The following USP37 variants were observed in gnomAD, a reference collection of about 807,000 sequenced individuals.
The protein encoded by USP37 is ubiquitin specific peptidase 37, also known as ubiquitin carboxyl-terminal hydrolase 37.
USP37 carries 27 observed loss-of-function variants against 124.0 expected under a neutral mutation model. The ratio of observed to expected loss-of-function variants is 0.22; its 90% confidence interval spans 0.16 to 0.30. The LOEUF (loss-of-function observed/expected upper bound fraction) is 0.30, where lower values mean the gene tolerates loss of function less well. Among genes scored for constraint, USP37 ranks in the 10% least tolerant of loss-of-function variants. The pLI is 1.00. For missense variants in USP37, 889 were observed against 1,140.4 expected (o/e 0.78, Z 3.17); for synonymous variants, 365 against 388.0 (o/e 0.94, Z 0.70).
intron 11 of USP37, among the ~76,000 whole-genome samples, chr2:218,501,406 T>G (rs1028364591): frequency 6.6e-6 from 1 of 152,070 alleles, no homozygotes; most frequent in South Asian, 2.1e-4. Flanking sequence ...CCATGGGTGA[T>G]GTCAATTTTG....
At chr2:218,468,281 T>G (rs1690481334) in intron 20 of USP37, among the ~76,000 whole-genome samples, 1 of 151,886 alleles carries the variant, frequency 6.6e-6, no homozygotes, top group Admixed American at 6.6e-5. Context: ...TGTGGCTCAT[T>G]GCAACCTCCA....
chr2:218,454,981 G>T lies in USP37; in HGVS notation c.2889C>A (p.Asn963Lys). The T allele has an allele frequency of 1.9e-6, 3 of 1,614,026 alleles. No individual in the cohort carries two copies. Among genetic ancestry groups the T allele is most frequent in the Non-Finnish European group, 2.5e-6 (3 of 1,180,030 alleles). Residue 963 changes from asparagine to lysine, a missense_variant, in exon 26 of 26, where the codon AAC (asparagine) becomes AAA (lysine). Physicochemically the swap from Asn to Lys is moderately conservative, Grantham distance 94 (BLOSUM62 0). Transcript: ENST00000258399. ...CCACTTCCGTGCTAAGTGACTGAGAGTTCTTTTCTGTTTCCAGCAGCTCAT... is the reference window on the plus strand; with the variant it reads ...CCACTTCCGTGCTAAGTGACTGAGATTTCTTTTCTGTTTCCAGCAGCTCAT... ...IFDELLETEK[N>K]SQSLSTEVGK...
chr2:218,498,217 A>G, intron 11 of USP37, 60 bp from the exon 12 acceptor site: 2 of 1,481,396 alleles, frequency 1.4e-6, no homozygotes, highest in Non-Finnish European at 8.9e-7. Context: ...TATGTTCAGT[A>G]TAGTAGGAGT....
intron 11 of USP37, among the ~76,000 whole-genome samples, chr2:218,500,079 G>GT (rs1308970923): frequency 6.7e-6 from 1 of 150,200 alleles, no homozygotes; most frequent in Non-Finnish European, 1.5e-5. Flanking sequence ...TGTTTTTTTC[G>GT]TTTTTTCTTT....
intron 10 of USP37, among the ~76,000 whole-genome samples, chr2:218,520,564 C>A (rs1690553418): frequency 6.6e-6 from 1 of 151,706 alleles, no homozygotes. Flanking sequence ...GTTGGTCAGG[C>A]TTGTCTCAAA....
At chr2:218,526,273 C>G (rs1001130735) in intron 10 of USP37, among the ~76,000 whole-genome samples, 2 of 151,936 alleles carry the variant, frequency 1.3e-5, no homozygotes, top group African/African-American at 4.8e-5. Flanking sequence ...GCTCTGTTGC[C>G]CAGGTTAGAG....
Position 218,450,802 on chromosome 2 carries a change from T to A in USP37, c.*4128A>T, listed in dbSNP as rs1689458084. On this transcript the variant is annotated 3_prime_UTR_variant, in exon 26 of 26. Transcript: ENST00000258399. Reference sequence around the variant, plus strand: ...GACATACCTATACTTTGAACCTCTGTACTTTTAAGAAAAGTCCAATGTTAC... The same window carrying A: ...GACATACCTATACTTTGAACCTCTGAACTTTTAAGAAAAGTCCAATGTTAC... 1 of 152,248 alleles carries A rather than the reference T, an allele frequency of 6.6e-6. No individual in the cohort carries two copies. The highest frequency in any genetic ancestry group is 1.5e-5 in the Non-Finnish European group (1 of 68,046). The allele number at this position is 152,248 out of a possible 1,614,324, so 9.4% of individuals were successfully genotyped here. A position where few individuals can be genotyped will look rare whatever the true frequency, so the allele number is the denominator to read the frequency against.
At chr2:218,517,028 A>G (rs1484602883) in intron 10 of USP37, among the ~76,000 whole-genome samples, 3 of 152,234 alleles carry the variant, frequency 2.0e-5, no homozygotes, top group Admixed American at 1.3e-4. Context: ...CAATCCAAGT[A>G]TACACATGAG....
chr2:218,480,107 C>A (rs1212295652), intron 17 of USP37, among the ~76,000 whole-genome samples: 1 of 151,038 alleles, frequency 6.6e-6, no homozygotes, highest in Non-Finnish European at 1.5e-5. Flanking sequence ...GATCGCACCA[C>A]TGCACTCCAG....
intron 1 of USP37, among the ~76,000 whole-genome samples, chr2:218,564,924 T>G (rs1693504629): frequency 6.6e-6 from 1 of 152,172 alleles, no homozygotes; most frequent in Non-Finnish European, 1.5e-5. Context: ...TTTAATATTT[T>G]CTTTCTTTTT....
At chr2:218,455,162 C>G (rs7601872) in intron 25 of USP37, 145 bp from the exon 26 acceptor site, 336,188 of 981,872 alleles carry the variant, frequency 0.34, 62,726 homozygotes, top group Non-Finnish European at 0.38. Context: ...AAAAGCAGCT[C>G]ACTCATTTGA....
chr2:218,463,952 T>C (rs1690172631), intron 21 of USP37, among the ~76,000 whole-genome samples: 1 of 149,038 alleles, frequency 6.7e-6, no homozygotes, highest in African/African-American at 2.5e-5. Flanking sequence ...ACCTCCCAGG[T>C]TCAAGCGATT....
chr2:218,522,504 A>G (rs1329446443), intron 10 of USP37, among the ~76,000 whole-genome samples: 1 of 148,520 alleles, frequency 6.7e-6, no homozygotes, highest in East Asian at 2.0e-4. Context: ...TAGAGTCTGC[A>G]GTGAGCTAGG....
chr2:218,454,914 C>T lies in USP37; in HGVS notation c.*16G>A, dbSNP rs753040443. 3 of 1,613,358 alleles carry T rather than the reference C, an allele frequency of 1.9e-6. No homozygotes were observed. The highest frequency in any genetic ancestry group is 2.7e-5 in the African/African-American group (2 of 74,888). ...ACAAATATGCAGTGCATGCTGCCAA[C>T]CCAGGAGTTTGTTCCTCACAAGGCC... On this transcript the variant is annotated 3_prime_UTR_variant, in exon 26 of 26. Transcript: ENST00000258399.
At chr2:218,565,556 T>G (rs572390312) in intron 1 of USP37, among the ~76,000 whole-genome samples, 1 of 152,332 alleles carries the variant, frequency 6.6e-6, no homozygotes, top group African/African-American at 2.4e-5. Flanking sequence ...TCATGTGTCC[T>G]CTAACTTTTC....
At chr2:218,491,449 G>C (rs1014815059) in intron 14 of USP37, among the ~76,000 whole-genome samples, 1 of 152,176 alleles carries the variant, frequency 6.6e-6, no homozygotes, top group African/African-American at 2.4e-5. Flanking sequence ...CTCCAGATGA[G>C]AGCACAGGCA....
chr2:218,547,171 G>C, intron 6 of USP37, 80 bp from the exon 7 acceptor site: 1 of 1,458,836 alleles, frequency 6.9e-7, no homozygotes, highest in Non-Finnish European at 9.2e-7. Context: ...CAATGGAAAG[G>C]TTTAAAAAAT....
chr2:218,468,271 TG>T (rs1690480521), intron 20 of USP37, among the ~76,000 whole-genome samples: 1 of 151,280 alleles, frequency 6.6e-6, no homozygotes, highest in African/African-American at 2.4e-5. Flanking sequence ...AGGGCGTGAT[TG>T]TGGCTCATTG....
At chr2:218,545,580 C>T (rs1363517869) in intron 8 of USP37, among the ~76,000 whole-genome samples, 5 of 152,158 alleles carry the variant, frequency 3.3e-5, no homozygotes, top group African/African-American at 4.8e-5. Flanking sequence ...CTAGTGACCT[C>T]TTGACCTCAA....
Sources: allele counts gnomAD v4.1 joint callset (sites outside exome capture counted in the v4.1 genomes callset), GRCh38; gene constraint gnomAD v4.1.1; transcripts MANE v1.5; gene names NCBI Gene and HGNC (gene_info 2026-07-23, HGNC 2026-07-21).